The following LDB2 variants were observed in gnomAD, a reference collection of about 807,000 sequenced individuals.
The protein encoded by LDB2 is LIM domain-binding protein 2.
A neutral mutation model predicts 44.3 loss-of-function variants in LDB2; 12 were observed. The ratio of observed to expected loss-of-function variants is 0.27; its 90% CI spans 0.17 to 0.44. The LOEUF (loss-of-function observed/expected upper bound fraction) is 0.44. LDB2 is among the 20% of genes least tolerant of loss of function. The pLI, the probability that LDB2 is intolerant of heterozygous loss-of-function variation, is 1.00. For missense variants in LDB2, 344 were observed against 473.5 expected (o/e 0.73, Z 2.54); for synonymous variants, 164 against 174.8 (o/e 0.94, Z 0.49).
chr4:16,591,293 A>C (rs1718856599), intron 3 of LDB2, among the ~76,000 whole-genome samples: 1 of 152,200 alleles, frequency 6.6e-6, no homozygotes, highest in Non-Finnish European at 1.5e-5. Flanking sequence ...ACTCAGTTGG[A>C]GCATCTGTAA....
intron 1 of LDB2, among the ~76,000 whole-genome samples, chr4:16,818,589 C>T (rs561186697): frequency 2.8e-4 from 43 of 152,156 alleles, no homozygotes; most frequent in Admixed American, 4.6e-4. Flanking sequence ...TTATGTTAGG[C>T]ATTTCATTCC....
intron 1 of LDB2, among the ~76,000 whole-genome samples, chr4:16,884,852 C>G (rs1721175458): frequency 6.6e-6 from 1 of 152,130 alleles, no homozygotes; most frequent in East Asian, 1.9e-4. Flanking sequence ...CACATAGATT[C>G]TGTTATTCCC....
At chr4:16,580,751 T>C (rs142722137) in intron 5 of LDB2, among the ~76,000 whole-genome samples, 89 of 152,282 alleles carry the variant, frequency 5.8e-4, no homozygotes, top group Non-Finnish European at 1.0e-3. Context: ...TTACAGGAGA[T>C]AAATGAACAT....
intron 4 of LDB2, among the ~76,000 whole-genome samples, chr4:16,587,912 TA>T (rs5856369): frequency 1.3e-5 from 2 of 151,578 alleles, no homozygotes; most frequent in Admixed American, 6.6e-5. Flanking sequence ...CCTGGCAGAG[TA>T]AAAAAAAATC....
chr4:16,532,738 T>C (rs1730570793), intron 5 of LDB2, among the ~76,000 whole-genome samples: 1 of 152,214 alleles, frequency 6.6e-6, no homozygotes, highest in Non-Finnish European at 1.5e-5. Flanking sequence ...CTCCGAATAA[T>C]AACCATTATG....
chr4:16,679,329 C>T (rs189796211), intron 2 of LDB2, among the ~76,000 whole-genome samples: 2 of 151,322 alleles, frequency 1.3e-5, no homozygotes, highest in African/African-American at 2.4e-5. Flanking sequence ...GGAAGGAAGG[C>T]AGGAAGGCAG....
At chr4:16,645,552 A>T (rs937491287) in intron 2 of LDB2, among the ~76,000 whole-genome samples, 2 of 151,790 alleles carry the variant, frequency 1.3e-5, no homozygotes, top group African/African-American at 4.8e-5. Flanking sequence ...TCAAAAAAAA[A>T]AAAAAAAAAA....
rs1553994410 is a variant in LDB2, at chr4:16,739,589, A to AAATATATATATATAT, written c.235+19568_235+19569insATATATATATATATT. ...TGACAGAGGGAAAAAAAAAAAAAAAAATATATATATATATATATATGTATA... is the reference window on the plus strand; with the variant it reads ...TGACAGAGGGAAAAAAAAAAAAAAAAAATATATATATATATATATATATATATATATATATGTATA... On this transcript the variant is annotated intron_variant, in intron 2 of 7. Coordinates refer to ENST00000304523, the MANE Select transcript of LDB2 (RefSeq NM_001290.5). Among the ~76,000 whole-genome samples, 7 of 64,292 alleles carry AAATATATATATATAT rather than the reference A, an allele frequency of 1.1e-4. 1 individual carries two copies. The highest frequency in any genetic ancestry group is 3.9e-4 in the African/African-American group (6 of 15,216). The allele number at this position is 64,292 out of a possible 152,430, so 42.2% of individuals were successfully genotyped here. A position where few individuals can be genotyped will look rare whatever the true frequency, so the allele number is the denominator to read the frequency against.
intron 1 of LDB2, among the ~76,000 whole-genome samples, chr4:16,839,572 C>T (rs927615063): frequency 7.2e-5 from 11 of 152,256 alleles, no homozygotes; most frequent in African/African-American, 1.9e-4. Context: ...CCTCATTCTA[C>T]GTGAGCAAAC....
At chr4:16,751,756 A>C (rs759865940) in intron 2 of LDB2, among the ~76,000 whole-genome samples, 1 of 152,232 alleles carries the variant, frequency 6.6e-6, no homozygotes, top group Non-Finnish European at 1.5e-5. Context: ...AATGTCTGAC[A>C]AACAGCAAGA....
chr4:16,707,581 C>A (rs1156409942), intron 2 of LDB2, among the ~76,000 whole-genome samples: 1 of 152,070 alleles, frequency 6.6e-6, no homozygotes, highest in Non-Finnish European at 1.5e-5. Flanking sequence ...CTACCGGCTT[C>A]ATTTTTATTT....
intron 5 of LDB2, among the ~76,000 whole-genome samples, chr4:16,562,513 G>A (rs532791911): frequency 6.6e-6 from 1 of 152,292 alleles, no homozygotes; most frequent in South Asian, 2.1e-4. Context: ...AAACCACAAT[G>A]AGATACCATC....
intron 1 of LDB2, among the ~76,000 whole-genome samples, chr4:16,771,376 T>C (rs1770643519): frequency 6.6e-6 from 1 of 152,222 alleles, no homozygotes; most frequent in Non-Finnish European, 1.5e-5. Flanking sequence ...CAAATCTGTT[T>C]ACCAGGGGAC....
intron 2 of LDB2, among the ~76,000 whole-genome samples, chr4:16,666,152 C>G (rs1367139602): frequency 1.3e-5 from 2 of 152,190 alleles, no homozygotes; most frequent in African/African-American, 4.8e-5. Context: ...ACAGAAACTA[C>G]CCCATAGAAA....
chr4:16,553,457 T>A (rs1309074101), intron 5 of LDB2, among the ~76,000 whole-genome samples: 2 of 152,166 alleles, frequency 1.3e-5, no homozygotes, highest in East Asian at 3.9e-4. Context: ...CCACTGCACC[T>A]GGCCTGAAAA....
intron 1 of LDB2, among the ~76,000 whole-genome samples, chr4:16,814,536 C>A (rs1416056113): frequency 7.2e-5 from 4 of 55,692 alleles, no homozygotes; most frequent in Admixed American, 1.8e-4. Flanking sequence ...ATATGAGCAA[C>A]CCCTGTAATC....
At chr4:16,693,257 A>T (rs571472807) in intron 2 of LDB2, among the ~76,000 whole-genome samples, 2 of 151,906 alleles carry the variant, frequency 1.3e-5, no homozygotes, top group East Asian at 3.9e-4. Flanking sequence ...ATCCATAGGG[A>T]GAAGAGCCAG....
chr4:16,649,566 G>C (rs970710699), intron 2 of LDB2, among the ~76,000 whole-genome samples: 3 of 152,174 alleles, frequency 2.0e-5, no homozygotes, highest in African/African-American at 7.2e-5. Flanking sequence ...AGACATACCA[G>C]AAATCTTGGG....
intron 5 of LDB2, among the ~76,000 whole-genome samples, chr4:16,571,069 G>A (rs920664409): frequency 6.6e-6 from 1 of 152,154 alleles, no homozygotes; most frequent in Non-Finnish European, 1.5e-5. Flanking sequence ...GAAGTTGGGG[G>A]CAGGGAGCAC....
Sources: gnomAD v4.1 joint callset for allele counts (sites outside exome capture counted in the v4.1 genomes callset) on GRCh38, gnomAD v4.1.1 for gene constraint, MANE v1.5 for transcripts, NCBI Gene and HGNC (gene_info 2026-07-23, HGNC 2026-07-21) for gene names.